The following EYS variants were observed in gnomAD, a reference collection of about 807,000 sequenced individuals.
The protein encoded by EYS is protein eyes shut homolog.
A neutral mutation model predicts 282.1 loss-of-function variants in EYS; 250 were observed. That is an observed-to-expected ratio of 0.89 (90% CI 0.80 to 0.98). EYS has a LOEUF of 0.98. Among genes scored for constraint, EYS ranks in the 50% least tolerant of loss-of-function variants. The pLI, the probability that EYS is intolerant of heterozygous loss-of-function variation, is 0.00. For synonymous variants in EYS, 1,355 were observed against 1,282.9 expected (o/e 1.06, Z -1.20); for missense variants, 4,016 against 3,709.0 (o/e 1.08, Z -2.15).
intron 29 of EYS, among the ~76,000 whole-genome samples, chr6:64,365,738 TAAC>T (rs1174685257): frequency 2.0e-5 from 3 of 152,002 alleles, no homozygotes; most frequent in Admixed American, 2.0e-4. Flanking sequence ...AAAATATTAA[TAAC>T]AATAGTCAAG....
At chr6:64,720,701 A>C (rs531876335) in intron 22 of EYS, among the ~76,000 whole-genome samples, 1 of 152,290 alleles carries the variant, frequency 6.6e-6, no homozygotes, top group South Asian at 2.1e-4. Context: ...GGGGGAAAAA[A>C]CAAAAATACT....
At chr6:65,649,702 T>A (rs1355009891) in intron 1 of EYS, among the ~76,000 whole-genome samples, 1 of 152,062 alleles carries the variant, frequency 6.6e-6, no homozygotes, top group East Asian at 1.9e-4. Context: ...ATTTAGATTG[T>A]TTTTTTACAA....
chr6:63,819,417 T>C (rs762627942), intron 36 of EYS, among the ~76,000 whole-genome samples: 17 of 152,270 alleles, frequency 1.1e-4, no homozygotes, highest in Non-Finnish European at 2.4e-4. Context: ...GAGGAAAAAT[T>C]GTGAGTGGGT....
chr6:63,942,164 G>A (rs748375847), intron 35 of EYS, among the ~76,000 whole-genome samples: 16 of 152,298 alleles, frequency 1.1e-4, no homozygotes, highest in Non-Finnish European at 2.1e-4. Flanking sequence ...TGTCAACAAT[G>A]AGGAAGATAA....
chr6:63,977,589 G>T (rs1271456799), intron 35 of EYS, among the ~76,000 whole-genome samples: 1 of 151,932 alleles, frequency 6.6e-6, no homozygotes, highest in African/African-American at 2.4e-5. Flanking sequence ...GATGTCAGCA[G>T]GTAAGGAGCT....
intron 22 of EYS, among the ~76,000 whole-genome samples, chr6:64,774,865 A>G (rs2055172): frequency 0.75 from 113,914 of 151,864 alleles, 43,287 homozygotes; most frequent in East Asian, 0.92. Flanking sequence ...CTGATATTTG[A>G]CATGCTTAAA....
At chr6:65,605,581 A>T (rs781378508) in intron 2 of EYS, among the ~76,000 whole-genome samples, 33 of 151,936 alleles carry the variant, frequency 2.2e-4, no homozygotes, top group Non-Finnish European at 4.4e-4. Context: ...GAAAGACTGG[A>T]TGCAAAGATA....
In EYS at chr6:63,755,069, A is replaced by T. The variant is rs568403704; in HGVS notation, c.8071+7392T>A. ...TTTTTCTTGTAAATTTGTTTCAGTTATTTGTAGATCCTGGATATTTGCCGT... is the reference window on the plus strand; with the variant it reads ...TTTTTCTTGTAAATTTGTTTCAGTTTTTTGTAGATCCTGGATATTTGCCGT... On this transcript the variant is annotated intron_variant, in intron 41 of 42. Coordinates refer to ENST00000503581, the MANE Select transcript of EYS (RefSeq NM_001142800.2). 4.0e-5 allele frequency among the ~76,000 whole-genome samples: 6 copies of T among 151,850 alleles called. No homozygotes were observed. In the East Asian group the frequency reaches 1.2e-3, roughly 29 times the overall value.
chr6:65,362,539 C>A (rs1273155946), intron 8 of EYS, among the ~76,000 whole-genome samples: 1 of 151,218 alleles, frequency 6.6e-6, no homozygotes, highest in African/African-American at 2.4e-5. Context: ...TACATATATG[C>A]ATATATGTAT....
intron 8 of EYS, among the ~76,000 whole-genome samples, chr6:65,365,648 T>A (rs944480048): frequency 6.6e-6 from 1 of 151,716 alleles, no homozygotes; most frequent in African/African-American, 2.4e-5. Context: ...GTTTCCACAA[T>A]GTAATGTTTT....
At chr6:64,831,125 A>G (rs1451764709) in intron 19 of EYS, among the ~76,000 whole-genome samples, 1 of 152,026 alleles carries the variant, frequency 6.6e-6, no homozygotes, top group Non-Finnish European at 1.5e-5. Flanking sequence ...TGTTGAAAGT[A>G]GTCACTGATA....
chr6:65,703,953 A>G (rs1284140528), intron 1 of EYS, among the ~76,000 whole-genome samples: 1 of 152,174 alleles, frequency 6.6e-6, no homozygotes, highest in Non-Finnish European at 1.5e-5. Context: ...CAGTATTAAC[A>G]TGTCTGGAGA....
Position 65,219,861 on chromosome 6 carries a change from C to A in EYS, c.2023+76002G>T, listed in dbSNP as rs1030093295. On this transcript the variant is annotated intron_variant, in intron 12 of 42. Coordinates refer to ENST00000503581, the MANE Select transcript of EYS (RefSeq NM_001142800.2). ...GAGAAAGAGGAAATCCCTTAAAAAA[C>A]CATCAGATCTCATGAGGCTTATTCA... Among the ~76,000 whole-genome samples the A allele has an allele frequency of 3.9e-5, 6 of 152,170 alleles. No homozygotes were observed. In the East Asian group the frequency reaches 7.8e-4, roughly 20 times the overall value.
chr6:63,946,970 C>G (rs1337534333), intron 35 of EYS, among the ~76,000 whole-genome samples: 2 of 151,446 alleles, frequency 1.3e-5, no homozygotes, highest in Non-Finnish European at 2.9e-5. Flanking sequence ...CCTATGTACC[C>G]ATAAAAATTA....
chr6:65,008,201 G>T (rs747728409), intron 13 of EYS, among the ~76,000 whole-genome samples: 2 of 152,126 alleles, frequency 1.3e-5, no homozygotes, highest in Admixed American at 1.3e-4. Flanking sequence ...ACTATAACAC[G>T]GGGAAAGGAA....
At chr6:65,655,357 A>G (rs1767784433) in intron 1 of EYS, among the ~76,000 whole-genome samples, 1 of 151,762 alleles carries the variant, frequency 6.6e-6, no homozygotes, top group Admixed American at 6.6e-5. Context: ...CAATCAAGAT[A>G]CCTGGAAAAT....
At chr6:64,966,702 C>G (rs1165459580) in intron 14 of EYS, among the ~76,000 whole-genome samples, 2 of 152,132 alleles carry the variant, frequency 1.3e-5, no homozygotes, top group African/African-American at 2.4e-5. Flanking sequence ...CTCACATAGC[C>G]TTTTTCTTCT....
chr6:64,190,572 G>A (rs1185210431), intron 31 of EYS, among the ~76,000 whole-genome samples: 3 of 152,114 alleles, frequency 2.0e-5, no homozygotes, highest in African/African-American at 7.2e-5. Context: ...AAATTTCTGA[G>A]GTAAAACCTA....
chr6:64,917,015 C>T (rs908961299), intron 15 of EYS, among the ~76,000 whole-genome samples: 4 of 152,200 alleles, frequency 2.6e-5, no homozygotes, highest in Admixed American at 6.5e-5. Flanking sequence ...CTTTGGGAGT[C>T]CGAGGCGGGT....
Sources: gnomAD v4.1 joint callset for allele counts (sites outside exome capture counted in the v4.1 genomes callset) on GRCh38, gnomAD v4.1.1 for gene constraint, MANE v1.5 for transcripts, NCBI Gene and HGNC (gene_info 2026-07-23, HGNC 2026-07-21) for gene names.